Variants in STK39 observed in about 807,000 individuals in gnomAD.
STK39 encodes STE20/SPS1-related proline-alanine-rich protein kinase.
STK39 carries 20 observed loss-of-function variants against 77.8 expected under a neutral mutation model. That is an observed-to-expected ratio of 0.26 (90% CI 0.18 to 0.37). The LOEUF (loss-of-function observed/expected upper bound fraction) is 0.37. STK39 is among the 10% of genes least tolerant of loss of function. The probability of loss-of-function intolerance (pLI) is 1.00; values close to 1 mark genes in which losing one functional copy is unlikely to be tolerated. For synonymous variants in STK39, 246 were observed against 234.1 expected, an observed-to-expected ratio of 1.05 and a Z score of -0.47; for missense variants, 479 against 656.5, an observed-to-expected ratio of 0.73 and a Z score of 2.95.
intron 1 of STK39, among the ~76,000 whole-genome samples, chr2:168,195,885 C>T (rs1410521842): frequency 3.9e-5 from 6 of 152,088 alleles, no homozygotes; most frequent in South Asian, 4.1e-4. Context: ...GGCGTGGTGG[C>T]GGGCACCTGT....
chr2:168,002,589 T>C (rs995140681), intron 16 of STK39, among the ~76,000 whole-genome samples: 3 of 152,336 alleles, frequency 2.0e-5, no homozygotes, highest in South Asian at 2.1e-4. Context: ...AATTCTTTTT[T>C]TTCTAGGAAT....
intron 10 of STK39, among the ~76,000 whole-genome samples, chr2:168,124,908 G>C (rs1687501439): frequency 6.6e-6 from 1 of 152,036 alleles, no homozygotes; most frequent in Non-Finnish European, 1.5e-5. Context: ...TCACTCATGA[G>C]TGGGAGTTGA....
In STK39 at chr2:167,977,539, T is replaced by G. The variant is rs570303217; in HGVS notation, c.1499-12813A>C. On this transcript the variant is annotated intron_variant, in intron 16 of 17. Transcript: ENST00000355999. ...TTACCAGGAATACCCAGAATTCATC[T>G]GAGTTGAAGGTAAGAATTAGTTTAC... Among the ~76,000 whole-genome samples the G allele has an allele frequency of 8.0e-5, 12 of 150,928 alleles. No individual in the cohort carries two copies. In the East Asian group the frequency reaches 2.3e-3, roughly 29 times the overall value.
intron 1 of STK39, among the ~76,000 whole-genome samples, chr2:168,212,814 C>G (rs1339577297): frequency 6.6e-6 from 1 of 152,218 alleles, no homozygotes; most frequent in Non-Finnish European, 1.5e-5. Context: ...TCCTCTCCCT[C>G]CTGGGTTCCT....
At chr2:168,201,580 A>C (rs1164682765) in intron 1 of STK39, among the ~76,000 whole-genome samples, 1 of 152,226 alleles carries the variant, frequency 6.6e-6, no homozygotes, top group Non-Finnish European at 1.5e-5. Flanking sequence ...GCCAGGCATA[A>C]TTCAATGAAA....
intron 2 of STK39, among the ~76,000 whole-genome samples, chr2:168,172,911 T>C (rs1253904695): frequency 2.6e-5 from 4 of 152,202 alleles, no homozygotes; most frequent in Non-Finnish European, 4.4e-5. Context: ...CTTGGCTGCA[T>C]ATTGAAATCA....
intron 16 of STK39, among the ~76,000 whole-genome samples, chr2:167,980,920 C>G (rs1284646557): frequency 1.3e-5 from 2 of 149,074 alleles, no homozygotes; most frequent in African/African-American, 2.5e-5. Context: ...TTTCCAAAAC[C>G]TTTAAAGTAA....
At chr2:168,051,750 GC>G (rs1293524953) in intron 14 of STK39, among the ~76,000 whole-genome samples, 2 of 152,132 alleles carry the variant, frequency 1.3e-5, no homozygotes, top group African/African-American at 4.8e-5. Flanking sequence ...ACAGCGCCCA[GC>G]CCCCTCTACT....
intron 14 of STK39, among the ~76,000 whole-genome samples, chr2:168,044,996 A>C (rs1411593911): frequency 6.6e-6 from 1 of 152,224 alleles, no homozygotes; most frequent in Non-Finnish European, 1.5e-5. Flanking sequence ...AAAAGCATTC[A>C]GTGAACAGCA....
chr2:168,060,500 G>A (rs768978589), intron 14 of STK39, among the ~76,000 whole-genome samples: 4 of 152,092 alleles, frequency 2.6e-5, no homozygotes, highest in Non-Finnish European at 1.5e-5. Flanking sequence ...CTGACATCCC[G>A]ATCTCCACAA....
chr2:167,992,083 T>A (rs1256249205), intron 16 of STK39, among the ~76,000 whole-genome samples: 2 of 152,212 alleles, frequency 1.3e-5, no homozygotes, highest in East Asian at 3.8e-4. Flanking sequence ...CAGTTAGCAC[T>A]AATGCACTCT....
chr2:168,107,064 G>A (rs910328362), intron 10 of STK39, among the ~76,000 whole-genome samples: 3 of 152,004 alleles, frequency 2.0e-5, no homozygotes, highest in Middle Eastern at 3.2e-3. Flanking sequence ...AAATCATCTC[G>A]GTTATTTTAC....
At position 168,052,837 on chromosome 2, in the gene STK39, A is replaced by C. The variant is rs117127011; in HGVS notation, c.1376+10663T>G. On this transcript the variant is annotated intron_variant, in intron 14 of 17. Transcript: ENST00000355999. ...CAGCTTCAAAATGGAACCCTCTTAC[A>C]TTAAGAAATCATTCAGTTTTGGAGC... 4.7e-4 allele frequency among the ~76,000 whole-genome samples: 71 copies of C among 152,348 alleles called. No homozygotes were observed. In the East Asian group the frequency reaches 0.012, roughly 26 times the overall value.
intron 10 of STK39, among the ~76,000 whole-genome samples, chr2:168,115,633 T>C (rs559563363): frequency 6.6e-6 from 1 of 152,342 alleles, no homozygotes; most frequent in South Asian, 2.1e-4. Context: ...TACGCTAATC[T>C]ATGTTTGTTG....
At chr2:167,995,950 G>C (rs115670852) in intron 16 of STK39, among the ~76,000 whole-genome samples, 2,120 of 152,214 alleles carry the variant, frequency 0.014, 50 homozygotes, top group African/African-American at 0.048. Flanking sequence ...AGAGGGTGCT[G>C]GGCTTTAATG....
intron 1 of STK39, among the ~76,000 whole-genome samples, chr2:168,192,143 C>T (rs1266689774): frequency 6.6e-6 from 1 of 152,164 alleles, no homozygotes; most frequent in Non-Finnish European, 1.5e-5. Context: ...AGAACAGTAA[C>T]AGGATGAAGC....
intron 10 of STK39, among the ~76,000 whole-genome samples, chr2:168,084,253 A>T (rs1037044695): frequency 6.6e-6 from 1 of 152,200 alleles, no homozygotes; most frequent in African/African-American, 2.4e-5. Context: ...GGACTTGAGG[A>T]TAACAAAGGC....
chr2:168,183,253 T>G (rs1689128869), intron 1 of STK39, among the ~76,000 whole-genome samples: 2 of 151,944 alleles, frequency 1.3e-5, no homozygotes, highest in Admixed American at 1.3e-4. Flanking sequence ...ATCACCCTAC[T>G]CCTCCAAACC....
chr2:168,171,542 A>T (rs1688825589), intron 2 of STK39, among the ~76,000 whole-genome samples: 1 of 151,084 alleles, frequency 6.6e-6, no homozygotes, highest in African/African-American at 2.4e-5. Flanking sequence ...CTGGAGTGCA[A>T]TGGCGCAATC....
Sources: gnomAD v4.1 joint callset for allele counts (sites outside exome capture counted in the v4.1 genomes callset) on GRCh38, gnomAD v4.1.1 for gene constraint, MANE v1.5 for transcripts, NCBI Gene and HGNC (gene_info 2026-07-23, HGNC 2026-07-21) for gene names.